ROR2: variants seen among roughly 807,000 people sequenced by gnomAD.
The protein encoded by ROR2 is tyrosine-protein kinase transmembrane receptor ROR2.
In ROR2, 33 loss-of-function variants were observed where a neutral mutation model predicts 74.9. That is an observed-to-expected ratio of 0.44 (90% CI 0.33 to 0.59). The LOEUF is 0.59. ROR2 is among the 20% of genes least tolerant of loss of function. The probability of loss-of-function intolerance (pLI) is 0.02; values close to 1 mark genes in which losing one functional copy is unlikely to be tolerated. For missense variants in ROR2, 1,216 were observed against 1,313.8 expected (o/e 0.93, Z 1.15); for synonymous variants, 586 against 558.7 (o/e 1.05, Z -0.69).
chr9:91,828,175 A>G (rs1828350048), intron 1 of ROR2, among the ~76,000 whole-genome samples: 1 of 152,252 alleles, frequency 6.6e-6, no homozygotes, highest in African/African-American at 2.4e-5. Context: ...TGAAAATTTC[A>G]TTATTCTTAC....
chr9:91,816,377 C>T (rs1296909722), intron 1 of ROR2, among the ~76,000 whole-genome samples: 4 of 152,154 alleles, frequency 2.6e-5, no homozygotes, highest in African/African-American at 9.7e-5. Context: ...CAACCCCAGC[C>T]GAGGACCTGC....
At chr9:91,887,405 T>G (rs1587822475) in intron 1 of ROR2, among the ~76,000 whole-genome samples, 1 of 152,364 alleles carries the variant, frequency 6.6e-6, no homozygotes, top group East Asian at 1.9e-4. Flanking sequence ...TTTCCTTGCA[T>G]AGGTTTAACC....
At chr9:91,867,212 T>C (rs968965193) in intron 1 of ROR2, among the ~76,000 whole-genome samples, 5 of 152,236 alleles carry the variant, frequency 3.3e-5, no homozygotes, top group Non-Finnish European at 7.3e-5. Context: ...CTTCCAGCTC[T>C]GCTGGAGCAG....
intron 1 of ROR2, among the ~76,000 whole-genome samples, chr9:91,818,841 A>T (rs1409942419): frequency 6.6e-6 from 1 of 152,038 alleles, no homozygotes; most frequent in Non-Finnish European, 1.5e-5. Context: ...ACAGGAAGCC[A>T]CCAACTCAAC....
At chr9:91,836,856 A>G in intron 1 of ROR2, among the ~76,000 whole-genome samples, 1 of 152,170 alleles carries the variant, frequency 6.6e-6, no homozygotes, top group East Asian at 1.9e-4. Flanking sequence ...CCAGGCAGGA[A>G]CCCCTCAAAT....
At chr9:91,798,495 ATCTGTGGGTGGGGCTGACACCCTGGGC>A (rs1827260323) in intron 1 of ROR2, among the ~76,000 whole-genome samples, 6 of 39,676 alleles carry the variant, frequency 1.5e-4, no homozygotes, top group Non-Finnish European at 2.7e-4. Context: ...ACACCCTGGG[ATCTGTGGGTGGGGCTGACACCCTGGGC>A]TCTGTGGGTG....
intron 1 of ROR2, among the ~76,000 whole-genome samples, chr9:91,910,755 C>T (rs1830956884): frequency 1.3e-5 from 2 of 152,066 alleles, no homozygotes; most frequent in South Asian, 2.1e-4. Flanking sequence ...CCTCCACCTT[C>T]CAGGTTCAAG....
intron 1 of ROR2, among the ~76,000 whole-genome samples, chr9:91,802,020 G>T (rs1827397031): frequency 6.6e-6 from 1 of 151,070 alleles, no homozygotes; most frequent in Admixed American, 6.6e-5. Context: ...CAAGCCATTT[G>T]CTTGACGAAG....
Position 91,839,474 on chromosome 9 carries a change from T to C in ROR2, c.98-63656A>G, listed in dbSNP as rs142280732. On this transcript the variant is annotated intron_variant, in intron 1 of 8. Transcript: ENST00000375708. ...TGTGTGTGTGTATATGTGAGGTGTA[T>C]ACGCGTGAGGATATGTGTGCACATG... 2.9e-3 allele frequency among the ~76,000 whole-genome samples: 440 copies of C among 151,506 alleles called. 4 individuals are homozygous for C. The highest frequency in any genetic ancestry group is 9.5e-3 in the African/African-American group (393 of 41,248).
intron 1 of ROR2, among the ~76,000 whole-genome samples, chr9:91,890,276 C>T (rs752450686): frequency 9.9e-5 from 15 of 152,212 alleles, no homozygotes; most frequent in Non-Finnish European, 2.2e-4. Context: ...CAGGGAGCCA[C>T]TGTCGGCCTC....
intron 1 of ROR2, among the ~76,000 whole-genome samples, chr9:91,818,944 A>T (rs539759246): frequency 6.6e-6 from 1 of 152,188 alleles, no homozygotes; most frequent in East Asian, 1.9e-4. Flanking sequence ...TCTGCAGGTC[A>T]TGCTATTCTG....
At chr9:91,757,660 A>G (rs1779036496) in intron 2 of ROR2, 101 bp from the exon 3 acceptor site, 1 of 1,340,472 alleles carries the variant, frequency 7.5e-7, no homozygotes, top group Admixed American at 2.0e-5. Context: ...GAAGGTTTCG[A>G]TTTTTGTCAC....
chr9:91,912,305 G>T (rs185844039), intron 1 of ROR2, among the ~76,000 whole-genome samples: 2 of 152,100 alleles, frequency 1.3e-5, no homozygotes, highest in African/African-American at 2.4e-5. Flanking sequence ...CTTTCTGTAC[G>T]CCTAAAATTT....
chr9:91,947,302 C>A (rs924026488), intron 1 of ROR2, among the ~76,000 whole-genome samples: 1 of 152,174 alleles, frequency 6.6e-6, no homozygotes, highest in Non-Finnish European at 1.5e-5. Flanking sequence ...CTGAGTGTCA[C>A]ATAGGGTCCA....
chr9:91,782,279 C>A (rs889546623), intron 1 of ROR2, among the ~76,000 whole-genome samples: 3 of 152,160 alleles, frequency 2.0e-5, no homozygotes, highest in African/African-American at 4.8e-5. Context: ...TTTATTGTAT[C>A]TTTTCATCTA....
rs572950289 is a variant in ROR2 at position 91,775,763 on chromosome 9, G to A, written c.153C>T (p.Asp51=). The part of the protein sequence containing the change: ...NDPLGPLDGQ[D]GPIPTLKGYF... ...CACCTTTCAGAGTTGGAATCGGGCCGTCCTGCCCATCAAGGGGTCCTAAAG... is the reference window on the plus strand; with the variant it reads ...CACCTTTCAGAGTTGGAATCGGGCCATCCTGCCCATCAAGGGGTCCTAAAG... The change falls in exon 2 of 9, where the codon GAC becomes GAT. Residue 51 remains aspartate (D), a synonymous_variant. Transcript: ENST00000375708. 129 of 1,614,158 alleles carry A rather than the reference G, an allele frequency of 8.0e-5. No homozygotes were observed. The highest frequency in any genetic ancestry group is 2.9e-4 in the South Asian group (26 of 91,082).
At chr9:91,866,000 G>A (rs1347224392) in intron 1 of ROR2, among the ~76,000 whole-genome samples, 10 of 152,186 alleles carry the variant, frequency 6.6e-5, no homozygotes, top group Admixed American at 2.6e-4. Context: ...AGCCAGGTGC[G>A]TGGTACAATA....
At chr9:91,897,585 G>T (rs539035187) in intron 1 of ROR2, among the ~76,000 whole-genome samples, 1 of 151,530 alleles carries the variant, frequency 6.6e-6, no homozygotes, top group Non-Finnish European at 1.5e-5. Flanking sequence ...TATTCCAGGT[G>T]GGGGGAACCA....
chr9:91,725,073 C>T lies in ROR2; in HGVS notation c.1421G>A (p.Arg474Lys), dbSNP rs1836978576. The T allele has an allele frequency of 6.2e-7, 1 of 1,613,964 alleles. No homozygotes were observed. Among genetic ancestry groups the T allele is most frequent in the African/African-American group, 1.3e-5 (1 of 74,946 alleles). Residue 474 changes from arginine (R) to lysine (K), a missense_variant, in exon 9 of 9, where the codon AGG becomes AAG. Transcript: ENST00000375708. ...KLKEISLSAVRFMEELGEDRF... is the reference protein window; with the variant it reads ...KLKEISLSAVKFMEELGEDRF... ...GTCCTCTCCCAGCTCCTCCATGAAC[C>T]TCACCGCAGACAGGCTGATCTCTTT...
Sources: gnomAD v4.1 joint callset for allele counts (sites outside exome capture counted in the v4.1 genomes callset) on GRCh38, gnomAD v4.1.1 for gene constraint, MANE v1.5 for transcripts, NCBI Gene and HGNC (gene_info 2026-07-23, HGNC 2026-07-21) for gene names.